LRP1: variants seen among roughly 807,000 people sequenced by gnomAD.
The protein encoded by LRP1 is LDL receptor related protein 1, also known as prolow-density lipoprotein receptor-related protein 1.
Under a neutral mutation model 541.5 loss-of-function variants are expected in LRP1, and 51 were observed. The ratio of observed to expected loss-of-function variants is 0.09; its 90% CI spans 0.08 to 0.12. The LOEUF (loss-of-function observed/expected upper bound fraction) is 0.12, where lower values mean the gene tolerates loss of function less well. Among genes scored for constraint, LRP1 ranks in the 10% least tolerant of loss-of-function variants. The pLI is 1.00. For missense variants in LRP1, 3,878 were observed against 6,376.2 expected, an observed-to-expected ratio of 0.61 and a Z score of 13.34; for synonymous variants, 2,219 against 2,470.8, an observed-to-expected ratio of 0.90 and a Z score of 3.02.
chr12:57,166,003 T>C (rs1592624497), intron 16 of LRP1, 58 bp downstream of exon 16: 4 of 1,612,500 alleles, frequency 2.5e-6, no homozygotes, highest in Non-Finnish European at 3.4e-6. Context: ...GCAGCTCGGC[T>C]CTGGCAGTGC....
At position 57,177,307 on chromosome 12, in the gene LRP1, G is replaced by T; in HGVS notation, c.4196+62G>T. ...CCCCCCTGAAGTCCCATTCAGCCTG[G>T]CCAGGGACACCTTACTCCTCAGTGC... On this transcript the variant is annotated intron_variant, in intron 25 of 88. Transcript: ENST00000243077. The surrounding 1 kb of genome is among the most constrained non-coding windows in gnomAD (Gnocchi z 6.8). 1.9e-6 allele frequency: 3 copies of T among 1,591,726 alleles called. No individual in the cohort carries two copies. Among genetic ancestry groups the T allele is most frequent in the Non-Finnish European group, 2.6e-6 (3 of 1,163,678 alleles).
At chr12:57,195,536 TGTCCA>T (rs2036513326) in intron 52 of LRP1, 117 bp from the exon 53 acceptor site, 1 of 1,570,008 alleles carries the variant, frequency 6.4e-7, no homozygotes, top group Non-Finnish European at 8.7e-7. Context: ...GTAGCCCAGG[TGTCCA>T]GACTCCTCAT....
chr12:57,136,289 C>T (rs541207255), intron 1 of LRP1, among the ~76,000 whole-genome samples: 5 of 151,564 alleles, frequency 3.3e-5, no homozygotes, highest in South Asian at 2.1e-4. Context: ...TTCCTGAACT[C>T]GGTCATTTTG....
intron 15 of LRP1, among the ~76,000 whole-genome samples, chr12:57,163,653 A>G (rs117962624): frequency 3.0e-3 from 458 of 152,258 alleles, no homozygotes; most frequent in Non-Finnish European, 5.3e-3. Context: ...AAAAAGCCCA[A>G]ATCCCACCAG....
rs1259747043 is a variant in LRP1 at position 57,205,768 on chromosome 12, C to A, written c.11590+91C>A. ...CGACTTGGAATGGAATGTCTTCCTG[C>A]GGACATCTTGCCCAGACAAGAAGCC... On this transcript the variant is annotated intron_variant, in intron 75 of 88. Coordinates refer to ENST00000243077, the MANE Select transcript of LRP1 (RefSeq NM_002332.3). The surrounding 1 kb of genome is among the most constrained non-coding windows in gnomAD (Gnocchi z 4.6). 3.9e-6 allele frequency: 6 copies of A among 1,537,988 alleles called. No homozygotes were observed. The African/African-American group carries it at 4.1e-5, about 10-fold the overall frequency.
intron 77 of LRP1, 145 bp from the exon 78 acceptor site, chr12:57,208,566 C>A: frequency 1.6e-6 from 1 of 606,318 alleles, no homozygotes; most frequent in Non-Finnish European, 2.9e-6. Context: ...AAGCAGACTC[C>A]CGCCTGCTTC....
In LRP1 at chr12:57,169,196, A is replaced by G. The variant is rs2136691120; in HGVS notation, c.3052A>G (p.Thr1018Ala). The change falls in exon 20 of 89, where the codon ACC (threonine) becomes GCC (alanine). Residue 1018 changes from threonine (T) to alanine (A), a missense_variant. Physicochemically the swap from Thr to Ala is moderately conservative, Grantham distance 58 (BLOSUM62 0). Around this residue, in one of 13 missense-constraint regions of LRP1, gnomAD observed 320 missense variants for 547.9 expected, o/e 0.58. Coordinates refer to ENST00000243077, the MANE Select transcript of LRP1 (RefSeq NM_002332.3). ...EAGCSHSCSS[T>A]QFKCNSGRCI... is the part of the protein sequence containing the mutation. ...CGGCTGCAGCCACTCCTGTTCTAGC[A>G]CCCAGTTCAAGTGCAACAGCGGGCG... The G allele has an allele frequency of 6.2e-7, 1 of 1,613,970 alleles. No homozygotes were observed. The highest frequency in any genetic ancestry group is 2.2e-5 in the East Asian group (1 of 44,878).
Position 57,185,137 on chromosome 12 carries a change from T to C in LRP1, c.6395T>C (p.Val2132Ala). 2 of 1,614,126 alleles carry C rather than the reference T, an allele frequency of 1.2e-6. No individual in the cohort carries two copies. Residue 2132 changes from valine (V) to alanine (A), a missense_variant, in exon 40 of 89, where the codon GTG becomes GCG. Around this residue, in one of 13 missense-constraint regions of LRP1, gnomAD observed 1,100 missense variants for 1,827.4 expected, o/e 0.60. Transcript: ENST00000243077. The surrounding 1 kb of genome is among the most constrained non-coding windows in gnomAD (Gnocchi z 4.9). The part of the protein sequence containing the change: ...RGSKDNATDS[V>A]PLRTGIGVQL... ...AGCAAAGACAATGCCACAGACTCCG[T>C]GCCCCTGCGAACCGGCATCGGCGTC...
intron 61 of LRP1, 99 bp from the exon 62 acceptor site, chr12:57,199,778 G>A (rs552122630): frequency 1.5e-4 from 203 of 1,398,798 alleles, no homozygotes; most frequent in Admixed American, 3.2e-4. Flanking sequence ...AAAAGAGGCA[G>A]GGTTCAGACC....
At chr12:57,157,135 T>G (rs1314735237) in intron 10 of LRP1, among the ~76,000 whole-genome samples, 4 of 152,240 alleles carry the variant, frequency 2.6e-5, no homozygotes, top group African/African-American at 9.6e-5. Flanking sequence ...AAAACTAAAC[T>G]GATTCATTCA....
At position 57,213,318 on chromosome 12, in the gene LRP1, G is replaced by A. The variant is rs1334631693; in HGVS notation, c.*763G>A. The A allele has an allele frequency of 2.8e-5, 2 of 72,234 alleles. No individual in the cohort carries two copies. The highest frequency in any genetic ancestry group is 5.0e-5 in the Non-Finnish European group (2 of 39,650). The allele number at this position is 72,234 out of a possible 1,614,324, so 4.5% of individuals were successfully genotyped here. A position where few individuals can be genotyped will look rare whatever the true frequency, so the allele number is the denominator to read the frequency against. ...AATTCCTTTACAACTAAATAACACA[G>A]ATATTGTTATAAATAAAATTGTAAA... is the stretch of plus-strand genomic sequence containing the variant. On this transcript the variant is annotated 3_prime_UTR_variant, in exon 89 of 89. Coordinates refer to ENST00000243077, the MANE Select transcript of LRP1 (RefSeq NM_002332.3).
chr12:57,137,833 G>C (rs1381937052), intron 1 of LRP1, among the ~76,000 whole-genome samples: 1 of 151,852 alleles, frequency 6.6e-6, no homozygotes, highest in Non-Finnish European at 1.5e-5. Context: ...TGGAAGCAAG[G>C]CTCTCTACCC....
chr12:57,145,511 T>C, intron 6 of LRP1, 21 bp downstream of exon 6: 1 of 1,609,288 alleles, frequency 6.2e-7, no homozygotes, highest in South Asian at 1.1e-5. Context: ...TGCTCTCAGC[T>C]TGGAGGGCTG....
Position 57,196,973 on chromosome 12 carries a change from T to C in LRP1, c.8893-9T>C. The C allele has an allele frequency of 6.2e-7, 1 of 1,605,236 alleles. No homozygotes were observed. The highest frequency in any genetic ancestry group is 1.1e-5 in the South Asian group (1 of 90,562). ...CACATGCCCAGCCCAAGGCTCCCTGTGCCTGCAGTGCCGCTGTCGCCCTGG... is the reference window on the plus strand; with the variant it reads ...CACATGCCCAGCCCAAGGCTCCCTGCGCCTGCAGTGCCGCTGTCGCCCTGG... On this transcript the variant is annotated splice_polypyrimidine_tract_variant and intron_variant, in intron 55 of 88. Coordinates refer to ENST00000243077, the MANE Select transcript of LRP1 (RefSeq NM_002332.3).
chr12:57,156,731 C>T lies in LRP1; in HGVS notation c.1418-46C>T. ...TTCAGGAAGCCTTCTCAAGGCCTGG[C>T]ACAGGGGCTCTGAGGGGTCCTAACA... is the stretch of plus-strand genomic sequence containing the variant. On this transcript the variant is annotated intron_variant, in intron 9 of 88. Coordinates refer to ENST00000243077, the MANE Select transcript of LRP1 (RefSeq NM_002332.3). The surrounding 1 kb of genome is among the most constrained non-coding windows in gnomAD (Gnocchi z 5.2). 6.4e-7 allele frequency: 1 copy of T among 1,557,396 alleles called. No individual in the cohort carries two copies. Among genetic ancestry groups the T allele is most frequent in the South Asian group, 1.2e-5 (1 of 85,964 alleles).
At chr12:57,190,563 T>A (rs746124286) in intron 42 of LRP1, among the ~76,000 whole-genome samples, 18 of 152,230 alleles carry the variant, frequency 1.2e-4, no homozygotes, top group Non-Finnish European at 2.2e-4. Flanking sequence ...ACTGCCCAGA[T>A]ACTGCAATGT....
chr12:57,192,299 C>T (rs1565744502), intron 44 of LRP1, among the ~76,000 whole-genome samples: 1 of 152,084 alleles, frequency 6.6e-6, no homozygotes, highest in African/African-American at 2.4e-5. Context: ...CACAGATGGA[C>T]TCTGCACACG....
rs998613973 is a variant in LRP1, at chr12:57,210,475, C to A, written c.12749C>A (p.Pro4250His). ...CRNGGTCAASPSGMPTCRCPT... is the reference protein window; with the variant it reads ...CRNGGTCAASHSGMPTCRCPT... ...AATGGGGGCACCTGTGCTGCCTCCC[C>A]CTCTGGTATGCCCCCTCATCCCGCC... is the stretch of plus-strand genomic sequence containing the variant. Residue 4250 changes from proline (P) to histidine (H), a missense_variant, in exon 82 of 89, where the codon CCC becomes CAC. Coordinates refer to ENST00000243077, the MANE Select transcript of LRP1 (RefSeq NM_002332.3). 5 of 1,525,654 alleles carry A rather than the reference C, an allele frequency of 3.3e-6. No individual in the cohort carries two copies. The highest frequency in any genetic ancestry group is 3.5e-6 in the Non-Finnish European group (4 of 1,134,350). The allele number at this position is 1,525,654 out of a possible 1,614,324, so 94.5% of individuals were successfully genotyped here. A position where few individuals can be genotyped will look rare whatever the true frequency, so the allele number is the denominator to read the frequency against.
Position 57,128,599 on chromosome 12 carries a change from C to CA in LRP1, c.-366_-365insA. ...TCCAAAGGCTCCCCTACCCGGTCCA[C>CA]GCCCCCCACCCCCCCTCCCCGCCTC... On this transcript the variant is annotated 5_prime_UTR_variant, in exon 1 of 89. Transcript: ENST00000243077. 1 of 414,544 alleles carries CA rather than the reference C, an allele frequency of 2.4e-6. No homozygotes were observed. Among genetic ancestry groups the CA allele is most frequent in the South Asian group, 9.0e-5 (1 of 11,124 alleles). The allele number at this position is 414,544 out of a possible 1,614,324, so 25.7% of individuals were successfully genotyped here.
Sources: gnomAD v4.1 joint callset for allele counts (sites outside exome capture counted in the v4.1 genomes callset) on GRCh38, gnomAD v4.1.1 for gene constraint, gnomAD v4.1.1 regional missense constraint, Gnocchi (gnomAD v3.1) non-coding constraint, MANE v1.5 for transcripts, NCBI Gene and HGNC (gene_info 2026-07-23, HGNC 2026-07-21) for gene names.